The following SLC35E4 variants were observed in gnomAD, a reference collection of about 807,000 sequenced individuals.
SLC35E4 encodes the protein solute carrier family 35 member E4.
SLC35E4 carries 15 observed loss-of-function variants against 19.3 expected under a neutral mutation model. The observed-to-expected ratio is 0.78, with a 90% CI of 0.52 to 1.20. SLC35E4 has a LOEUF of 1.20. Among genes scored for constraint, SLC35E4 ranks in the 50% most tolerant of loss-of-function variants. The probability of loss-of-function intolerance (pLI) is 0.00; values close to 1 mark genes in which losing one functional copy is unlikely to be tolerated. For synonymous variants in SLC35E4, 219 were observed against 219.9 expected (o/e 1.00, Z 0.04); for missense variants, 406 against 472.3 (o/e 0.86, Z 1.30).
At chr22:30,641,251 C>G (rs1053146321) in intron 1 of SLC35E4, among the ~76,000 whole-genome samples, 9 of 152,246 alleles carry the variant, frequency 5.9e-5, no homozygotes, top group African/African-American at 1.9e-4. Context: ...GCCTCAGGCA[C>G]TTGGGCATGG....
At position 30,636,389 on chromosome 22, in the gene SLC35E4, C is replaced by T; in HGVS notation, c.-62C>T. 2.8e-6 allele frequency: 4 copies of T among 1,437,426 alleles called. No homozygotes were observed. Among genetic ancestry groups the T allele is most frequent in the Non-Finnish European group, 3.6e-6 (4 of 1,096,476 alleles). The allele number at this position is 1,437,426 out of a possible 1,614,324, so 89.0% of individuals were successfully genotyped here. ...ATCTAGCCTGGCCCCAAGCGGAACT[C>T]TCTGGTGGCCCAGAGGTCGTCACTG... is the stretch of plus-strand genomic sequence containing the variant. On this transcript the variant is annotated 5_prime_UTR_variant, in exon 1 of 2. Transcript: ENST00000343605.
At chr22:30,656,506 T>C (rs73881501) in intron 2 of SLC35E4, among the ~76,000 whole-genome samples, 3,032 of 152,306 alleles carry the variant, frequency 0.02, 100 homozygotes, top group African/African-American at 0.069. Flanking sequence ...AAGTGATTCC[T>C]CACTTTTGGA....
chr22:30,654,412 T>A (rs2088292280), intron 2 of SLC35E4: 1 of 453,918 alleles, frequency 2.2e-6, no homozygotes. Flanking sequence ...GTAGGCAAAC[T>A]TTCTTGTAGG....
chr22:30,639,126 G>C lies in SLC35E4; in HGVS notation c.619+2057G>C, dbSNP rs139518394. On this transcript the variant is annotated intron_variant, in intron 1 of 1. Transcript: ENST00000343605. ...TTTCTGTATTACCTAAGTGTCAGCT[G>C]GTCTGAGAAATAAAGGGACAGAGTA... Among the ~76,000 whole-genome samples the C allele has an allele frequency of 2.6e-3, 395 of 152,280 alleles. 1 individual carries two copies. The highest frequency in any genetic ancestry group is 8.8e-3 in the African/African-American group (364 of 41,548).
chr22:30,659,612 T>C (rs2088419585), intron 2 of SLC35E4, among the ~76,000 whole-genome samples: 1 of 152,130 alleles, frequency 6.6e-6, no homozygotes, highest in Non-Finnish European at 1.5e-5. Flanking sequence ...CCTCAGGTGA[T>C]CCACCAGCCT....
chr22:30,645,337 G>A (rs1363414504), intron 1 of SLC35E4, among the ~76,000 whole-genome samples: 1 of 152,162 alleles, frequency 6.6e-6, no homozygotes, highest in Admixed American at 6.6e-5. Context: ...CTCAACGCCT[G>A]TAATCCCAGC....
chr22:30,661,235 C>T (rs1181219763), intron 2 of SLC35E4, among the ~76,000 whole-genome samples: 1 of 152,090 alleles, frequency 6.6e-6, no homozygotes, highest in East Asian at 1.9e-4. Context: ...GAGACCCATT[C>T]ATGGATCTCA....
rs756103576 is a variant in SLC35E4 at position 30,647,022 on chromosome 22, G to A, written c.1044G>A (p.Lys348=). 1.3e-6 allele frequency: 2 copies of A among 1,597,952 alleles called. No homozygotes were observed. The highest frequency in any genetic ancestry group is 1.1e-5 in the South Asian group (1 of 89,160). The stretch of plus-strand genomic sequence containing the variant: ...TGTGGCGGAGGGACCAGCCCAGCAA[G>A]GGTCTTTGAGACCTGGGGGATCTCA... The part of the protein sequence containing the change: ...RGLWRRDQPS[K]GL The change falls in exon 2 of 2, where the codon AAG becomes AAA. Residue 348 remains lysine, a synonymous_variant. Coordinates refer to ENST00000343605, the MANE Select transcript of SLC35E4 (RefSeq NM_001001479.4).
At chr22:30,668,966 A>C (rs2088768651) in exon 3 of SLC35E4, 1 of 152,176 alleles carries the variant, frequency 6.6e-6, no homozygotes, top group Non-Finnish European at 1.5e-5. Context: ...GAAGAGTTTT[A>C]TGCGTCTTTA....
At position 30,639,212 on chromosome 22, in the gene SLC35E4, G is replaced by A. The variant is rs1363693673; in HGVS notation, c.619+2143G>A. ...GAGACATCATATGTCGGCAGGTTCC[G>A]TGATGCCCCCTGAGCCATAAAACCA... On this transcript the variant is annotated intron_variant, in intron 1 of 1. Coordinates refer to ENST00000343605, the MANE Select transcript of SLC35E4 (RefSeq NM_001001479.4). 4.6e-5 allele frequency among the ~76,000 whole-genome samples: 7 copies of A among 152,256 alleles called. 1 individual carries two copies. The highest frequency in any genetic ancestry group is 4.1e-4 in the South Asian group (2 of 4,824).
downstream of SLC35E4, chr22:30,663,378 G>T: frequency 6.7e-7 from 1 of 1,488,548 alleles, no homozygotes; most frequent in Non-Finnish European, 9.1e-7. Flanking sequence ...TTGGATCTTG[G>T]TGTAAGATCA....
downstream of SLC35E4, among the ~76,000 whole-genome samples, chr22:30,649,474 G>C (rs956268571): frequency 1.3e-5 from 2 of 150,634 alleles, no homozygotes; most frequent in Non-Finnish European, 3.0e-5. Flanking sequence ...GCTGAGTAAA[G>C]GGCCAGCCCA....
downstream of SLC35E4, among the ~76,000 whole-genome samples, chr22:30,666,357 A>C (rs2088662579): frequency 6.6e-6 from 1 of 152,180 alleles, no homozygotes; most frequent in Non-Finnish European, 1.5e-5. Flanking sequence ...ACGGTGGCTT[A>C]AGCCTATAAT....
At chr22:30,639,520 C>T (rs984804062) in intron 1 of SLC35E4, among the ~76,000 whole-genome samples, 6 of 152,116 alleles carry the variant, frequency 3.9e-5, no homozygotes, top group Admixed American at 2.0e-4. Context: ...AGCCTGGGAG[C>T]GCTATGGGAG....
chr22:30,656,003 C>CA (rs1240581315), intron 2 of SLC35E4, among the ~76,000 whole-genome samples: 1 of 151,738 alleles, frequency 6.6e-6, no homozygotes, highest in Non-Finnish European at 1.5e-5. Context: ...AAAAGGGTCT[C>CA]ACTCTGTTGC....
At chr22:30,663,752 G>T (rs1322927017), downstream of SLC35E4, 6 of 1,614,104 alleles carry the variant, frequency 3.7e-6, no homozygotes. Context: ...CAGCAATAGG[G>T]TCAAAGAAGT....
At chr22:30,651,421 ATATATATTTTTTTTTTTTTTTTTT>A (rs1426331398), downstream of SLC35E4, among the ~76,000 whole-genome samples, 4 of 53,250 alleles carry the variant, frequency 7.5e-5, no homozygotes, top group African/African-American at 1.7e-4. Context: ...ATATATATAT[ATATATATTTTTTTTTTTTTTTTTT>A]TTTTTTTTTT....
intron 1 of SLC35E4, among the ~76,000 whole-genome samples, chr22:30,640,484 G>GA (rs2088020088): frequency 6.6e-6 from 1 of 152,158 alleles, no homozygotes; most frequent in Non-Finnish European, 1.5e-5. Context: ...TGGCTCTGAT[G>GA]AAAGAGGGCA....
chr22:30,657,906 AAATAATAATAATAATAATAAT>A (rs56297954), intron 2 of SLC35E4, among the ~76,000 whole-genome samples: 24 of 129,960 alleles, frequency 1.8e-4, no homozygotes, highest in African/African-American at 3.4e-4. Flanking sequence ...TCTGTCTCAA[AAATAATAATAATAATAATAAT>A]AATAATAATA....
Sources: allele counts gnomAD v4.1 joint callset (sites outside exome capture counted in the v4.1 genomes callset), GRCh38; gene constraint gnomAD v4.1.1; transcripts MANE v1.5; gene names NCBI Gene and HGNC (gene_info 2026-07-23, HGNC 2026-07-21).